CCSER1: variants seen among roughly 807,000 people sequenced by gnomAD.
CCSER1 encodes the protein serine-rich coiled-coil domain-containing protein 1.
In CCSER1, 41 loss-of-function variants were observed where a neutral mutation model predicts 82.0. The observed-to-expected ratio is 0.50, with a 90% CI of 0.39 to 0.65. The LOEUF (loss-of-function observed/expected upper bound fraction) is 0.65. Among genes scored for constraint, CCSER1 ranks in the 30% least tolerant of loss-of-function variants. The probability of loss-of-function intolerance (pLI) is 0.00; values close to 1 mark genes in which losing one functional copy is unlikely to be tolerated. For synonymous variants in CCSER1, 414 were observed against 383.9 expected (o/e 1.08, Z -0.92); for missense variants, 1,119 against 1,064.2 (o/e 1.05, Z -0.72).
intron 3 of CCSER1, among the ~76,000 whole-genome samples, chr4:90,330,273 T>C (rs1489200961): frequency 6.6e-6 from 1 of 152,178 alleles, no homozygotes; most frequent in African/African-American, 2.4e-5. Flanking sequence ...GGTAACCAGC[T>C]GTCAGATAAT....
intron 8 of CCSER1, among the ~76,000 whole-genome samples, chr4:90,874,805 T>C (rs984568955): frequency 2.0e-5 from 3 of 152,118 alleles, no homozygotes; most frequent in African/African-American, 7.2e-5. Context: ...CCCAGCACTT[T>C]GGGAGGCTAA....
intron 4 of CCSER1, among the ~76,000 whole-genome samples, chr4:90,414,769 C>T (rs553997615): frequency 1.1e-3 from 167 of 152,010 alleles, no homozygotes; most frequent in African/African-American, 3.6e-3. Flanking sequence ...TATTCAAGGT[C>T]AATATTTCAA....
intron 10 of CCSER1, among the ~76,000 whole-genome samples, chr4:91,464,322 A>C (rs1030014350): frequency 6.6e-5 from 10 of 152,162 alleles, no homozygotes; most frequent in African/African-American, 2.4e-4. Flanking sequence ...TTGTCACCAA[A>C]AGGCCTGCCC....
intron 10 of CCSER1, among the ~76,000 whole-genome samples, chr4:91,443,923 C>T (rs1755383426): frequency 6.6e-6 from 1 of 151,716 alleles, no homozygotes; most frequent in Admixed American, 6.6e-5. Flanking sequence ...TAAGAATAAA[C>T]TTAATAATAC....
At chr4:90,498,424 A>C (rs1385128176) in intron 5 of CCSER1, among the ~76,000 whole-genome samples, 1 of 152,172 alleles carries the variant, frequency 6.6e-6, no homozygotes, top group East Asian at 1.9e-4. Context: ...ACTACTGTAT[A>C]ATGACATTAA....
At chr4:90,468,139 T>G (rs550025363) in intron 4 of CCSER1, 95 bp from the exon 5 acceptor site, 1 of 1,064,784 alleles carries the variant, frequency 9.4e-7, no homozygotes, top group African/African-American at 1.6e-5. Flanking sequence ...GAATTAGATC[T>G]TTTATTAGAC....
intron 1 of CCSER1, among the ~76,000 whole-genome samples, chr4:90,142,082 C>G (rs1724898186): frequency 6.6e-6 from 1 of 152,114 alleles, no homozygotes; most frequent in South Asian, 2.1e-4. Flanking sequence ...TTAATGCCTT[C>G]CTATTCCAAA....
intron 1 of CCSER1, among the ~76,000 whole-genome samples, chr4:90,279,232 A>G (rs1728466513): frequency 6.6e-6 from 1 of 152,058 alleles, no homozygotes. Context: ...ATATACAGAT[A>G]TACGGACACT....
At chr4:90,371,521 C>T (rs1179540674) in intron 3 of CCSER1, among the ~76,000 whole-genome samples, 1 of 149,890 alleles carries the variant, frequency 6.7e-6, no homozygotes, top group Non-Finnish European at 1.5e-5. Context: ...ATAACCAACT[C>T]CCTTAAGACT....
At chr4:90,164,823 T>A (rs891154417) in intron 1 of CCSER1, among the ~76,000 whole-genome samples, 3 of 152,104 alleles carry the variant, frequency 2.0e-5, no homozygotes, top group African/African-American at 7.2e-5. Context: ...TCTCCCCAAA[T>A]ACACTTTGCT....
chr4:90,802,412 T>C (rs1013218900), intron 7 of CCSER1, among the ~76,000 whole-genome samples: 3 of 151,260 alleles, frequency 2.0e-5, no homozygotes, highest in African/African-American at 7.3e-5. Context: ...AGTATTTCAA[T>C]AGTATTCATT....
At chr4:90,964,120 A>T (rs1361659063) in intron 9 of CCSER1, among the ~76,000 whole-genome samples, 1 of 152,152 alleles carries the variant, frequency 6.6e-6, no homozygotes, top group Non-Finnish European at 1.5e-5. Context: ...ATGTTCATGT[A>T]TTTTTACTGA....
intron 7 of CCSER1, among the ~76,000 whole-genome samples, chr4:90,737,297 A>G (rs1745818155): frequency 6.6e-6 from 1 of 152,138 alleles, no homozygotes; most frequent in South Asian, 2.1e-4. Context: ...CTTGTAGGAC[A>G]GGTTTGGTGT....
intron 10 of CCSER1, among the ~76,000 whole-genome samples, chr4:91,248,215 A>G (rs1178411160): frequency 6.6e-6 from 1 of 152,228 alleles, no homozygotes; most frequent in African/African-American, 2.4e-5. Flanking sequence ...AAAGGAATAA[A>G]CAAATAAATG....
At chr4:91,142,082 T>C (rs1240684791) in intron 10 of CCSER1, among the ~76,000 whole-genome samples, 2 of 152,126 alleles carry the variant, frequency 1.3e-5, no homozygotes, top group Non-Finnish European at 2.9e-5. Context: ...TATGGTTTTG[T>C]TGTGTCCCCA....
chr4:91,052,586 T>C (rs1743099710), intron 9 of CCSER1, among the ~76,000 whole-genome samples: 1 of 152,094 alleles, frequency 6.6e-6, no homozygotes, highest in Non-Finnish European at 1.5e-5. Flanking sequence ...GATACTTTGA[T>C]AGCAAAAGAT....
At chr4:91,248,674 C>G (rs898220857) in intron 10 of CCSER1, among the ~76,000 whole-genome samples, 7 of 151,772 alleles carry the variant, frequency 4.6e-5, no homozygotes, top group South Asian at 4.2e-4. Context: ...ACATGATGGT[C>G]AAATGTAATG....
intron 5 of CCSER1, among the ~76,000 whole-genome samples, chr4:90,495,641 T>C (rs926944541): frequency 6.6e-6 from 1 of 152,218 alleles, no homozygotes; most frequent in Non-Finnish European, 1.5e-5. Context: ...TGCAAGTAAT[T>C]ATAATAGAAA....
chr4:91,491,140 A>G (rs1441165131), intron 10 of CCSER1, among the ~76,000 whole-genome samples: 1 of 151,438 alleles, frequency 6.6e-6, no homozygotes, highest in Non-Finnish European at 1.5e-5. Flanking sequence ...GCTTGAGTGT[A>G]TATATCTAGA....
Sources: allele counts gnomAD v4.1 joint callset (sites outside exome capture counted in the v4.1 genomes callset), GRCh38; gene constraint gnomAD v4.1.1; transcripts MANE v1.5; gene names NCBI Gene and HGNC (gene_info 2026-07-23, HGNC 2026-07-21).